SFMBT2: variants seen among roughly 807,000 people sequenced by gnomAD.
The protein encoded by SFMBT2 is Scm like with four mbt domains 2, also known as scm-like with four MBT domains protein 2.
SFMBT2 carries 38 observed loss-of-function variants against 110.1 expected under a neutral mutation model. That is an observed-to-expected ratio of 0.35 (90% CI 0.27 to 0.45). SFMBT2 has a LOEUF of 0.45. Ranked by LOEUF, SFMBT2 falls within the 20% of genes least tolerant of loss-of-function variation. The probability of loss-of-function intolerance (pLI) is 1.00; values close to 1 mark genes in which losing one functional copy is unlikely to be tolerated. For synonymous variants in SFMBT2, 425 were observed against 425.4 expected (o/e 1.00, Z 0.01); for missense variants, 1,011 against 1,094.9 (o/e 0.92, Z 1.08).
At chr10:7,179,731 G>A (rs1273766274) in intron 16 of SFMBT2, among the ~76,000 whole-genome samples, 4 of 152,218 alleles carry the variant, frequency 2.6e-5, no homozygotes, top group East Asian at 1.9e-4. Context: ...GCACACACAC[G>A]CGCTGCCACA....
At chr10:7,186,423 T>TACACACACACACACACACACAC (rs766631230) in intron 16 of SFMBT2, among the ~76,000 whole-genome samples, 1 of 108,136 alleles carries the variant, frequency 9.2e-6, no homozygotes, top group Non-Finnish European at 1.9e-5. Context: ...ACATACTATA[T>TACACACACACACACACACACAC]ATACACACAC....
chr10:7,282,911 T>C (rs960005078), intron 6 of SFMBT2, among the ~76,000 whole-genome samples: 1 of 152,220 alleles, frequency 6.6e-6, no homozygotes, highest in African/African-American at 2.4e-5. Context: ...TACTTCCTCC[T>C]TGGCATCTCT....
At chr10:7,358,212 G>A (rs1480809146) in intron 4 of SFMBT2, among the ~76,000 whole-genome samples, 2 of 131,982 alleles carry the variant, frequency 1.5e-5, no homozygotes, top group Admixed American at 1.6e-4. Flanking sequence ...CATGGCCCTG[G>A]AATGGAGGCA....
chr10:7,223,032 C>T (rs2131659092), intron 10 of SFMBT2, among the ~76,000 whole-genome samples: 1 of 152,252 alleles, frequency 6.6e-6, no homozygotes, highest in Admixed American at 6.5e-5. Context: ...TTAATTACTT[C>T]TTTAAAGACC....
intron 4 of SFMBT2, among the ~76,000 whole-genome samples, chr10:7,354,256 A>G (rs892188385): frequency 1.3e-5 from 2 of 152,210 alleles, no homozygotes; most frequent in East Asian, 3.8e-4. Context: ...TATATAATTC[A>G]ACTTTTTAAA....
intron 4 of SFMBT2, among the ~76,000 whole-genome samples, chr10:7,313,231 T>C (rs1482580817): frequency 6.6e-6 from 1 of 151,200 alleles, no homozygotes; most frequent in Non-Finnish European, 1.5e-5. Context: ...ATAAATATAA[T>C]ACAATTGTTC....
At chr10:7,240,082 T>C (rs10905130) in intron 9 of SFMBT2, among the ~76,000 whole-genome samples, 81,547 of 150,730 alleles carry the variant, frequency 0.54, 23,049 homozygotes, top group East Asian at 0.86. Context: ...TTTATTTAGA[T>C]AGAAAAGAAA....
chr10:7,338,772 A>G (rs1255793107), intron 4 of SFMBT2, among the ~76,000 whole-genome samples: 1 of 152,158 alleles, frequency 6.6e-6, no homozygotes, highest in Non-Finnish European at 1.5e-5. Flanking sequence ...TCTTCTTCTA[A>G]GTCTGCTCCA....
intron 5 of SFMBT2, 103 bp from the exon 6 acceptor site, chr10:7,284,253 G>A: frequency 6.6e-7 from 1 of 1,524,828 alleles, no homozygotes; most frequent in Admixed American, 2.1e-5. Context: ...CATCATCCAA[G>A]GTACTGGCGA....
At chr10:7,281,673 T>C (rs1052933922) in intron 6 of SFMBT2, among the ~76,000 whole-genome samples, 2 of 152,166 alleles carry the variant, frequency 1.3e-5, no homozygotes, top group African/African-American at 2.4e-5. Flanking sequence ...TGCTGAATGA[T>C]GTAGCAGAAT....
chr10:7,275,750 G>T (rs1394324199), intron 7 of SFMBT2, among the ~76,000 whole-genome samples: 3 of 152,154 alleles, frequency 2.0e-5, no homozygotes, highest in African/African-American at 7.2e-5. Flanking sequence ...ACAAACAGGG[G>T]AAGTACTGAA....
intron 20 of SFMBT2, among the ~76,000 whole-genome samples, chr10:7,167,296 G>C (rs1837722471): frequency 1.3e-5 from 2 of 152,188 alleles, no homozygotes; most frequent in Admixed American, 6.5e-5. Flanking sequence ...TGTTGTATGT[G>C]CTTAGTTATA....
intron 7 of SFMBT2, among the ~76,000 whole-genome samples, chr10:7,266,108 G>A (rs1186272363): frequency 6.7e-6 from 1 of 149,232 alleles, no homozygotes; most frequent in African/African-American, 2.5e-5. Context: ...TTTTTTCTTT[G>A]AGACAGAGTC....
intron 1 of SFMBT2, among the ~76,000 whole-genome samples, chr10:7,410,123 G>A (rs1846332935): frequency 6.6e-6 from 1 of 152,192 alleles, no homozygotes; most frequent in Non-Finnish European, 1.5e-5. Context: ...TTTTGAAAGG[G>A]GGTCGAATAA....
At chr10:7,176,580 C>A in intron 16 of SFMBT2, 1 of 813,972 alleles carries the variant, frequency 1.2e-6, no homozygotes, top group Non-Finnish European at 1.5e-6. Context: ...CAGGATTCTG[C>A]CTTGAAAACC....
At chr10:7,232,834 C>T (rs1260048233) in intron 9 of SFMBT2, among the ~76,000 whole-genome samples, 2 of 152,088 alleles carry the variant, frequency 1.3e-5, no homozygotes, top group East Asian at 3.8e-4. Context: ...AGGCATTGGT[C>T]GATCAATCCA....
intron 1 of SFMBT2, among the ~76,000 whole-genome samples, chr10:7,392,985 A>T (rs1401196811): frequency 0.018 from 92 of 5,152 alleles, no homozygotes; most frequent in African/African-American, 0.035. Context: ...TGGATAGATT[A>T]TATATATATA....
At chr10:7,270,214 G>A (rs1318228169) in intron 7 of SFMBT2, among the ~76,000 whole-genome samples, 1 of 152,130 alleles carries the variant, frequency 6.6e-6, no homozygotes, top group East Asian at 1.9e-4. Context: ...CGAGGGAGGT[G>A]GCCACAGACC....
chr10:7,171,740 T>C lies in SFMBT2; in HGVS notation c.2415+155A>G, dbSNP rs1251664505. On this transcript the variant is annotated intron_variant, in intron 19 of 20. Coordinates refer to ENST00000397167, the MANE Select transcript of SFMBT2 (RefSeq NM_001387889.1). This position sits in a 1 kb window ranked among gnomAD's most constrained non-coding sequence, Gnocchi z 4.9. ...AAGGCCCCTCCACCCAGAGGTGAAG[T>C]GCCAGCCTTTGTTCCTGACTTGGGA... Among the ~76,000 whole-genome samples the C allele has an allele frequency of 6.6e-6, 1 of 152,206 alleles. No individual in the cohort carries two copies. Among genetic ancestry groups the C allele is most frequent in the East Asian group, 1.9e-4 (1 of 5,182 alleles).
Sources: gnomAD v4.1 joint callset for allele counts (sites outside exome capture counted in the v4.1 genomes callset) on GRCh38, gnomAD v4.1.1 for gene constraint, Gnocchi (gnomAD v3.1) non-coding constraint, MANE v1.5 for transcripts, NCBI Gene and HGNC (gene_info 2026-07-23, HGNC 2026-07-21) for gene names.